The following QKI variants were observed in gnomAD, a reference collection of about 807,000 sequenced individuals.
QKI encodes KH domain-containing RNA-binding protein QKI.
In QKI, 10 loss-of-function variants were observed where a neutral mutation model predicts 39.0. The ratio of observed to expected loss-of-function variants is 0.26; its 90% CI spans 0.16 to 0.43. QKI has a LOEUF of 0.43. Ranked by LOEUF, QKI falls within the 20% of genes least tolerant of loss-of-function variation. QKI has a pLI of 1.00. For missense variants in QKI, 218 were observed against 428.0 expected, an observed-to-expected ratio of 0.51 and a Z score of 4.33; for synonymous variants, 204 against 155.4, an observed-to-expected ratio of 1.31 and a Z score of -2.33.
chr6:163,519,943 TAG>T (rs1041579718), intron 3 of QKI, among the ~76,000 whole-genome samples: 1 of 152,070 alleles, frequency 6.6e-6, no homozygotes, highest in Admixed American at 6.6e-5. Context: ...TCTGAAAGAG[TAG>T]AGTTACTTTT....
intron 2 of QKI, chr6:163,457,397 C>T (rs778753549): frequency 1.5e-5 from 7 of 456,008 alleles, no homozygotes; most frequent in African/African-American, 4.0e-5. Flanking sequence ...CTTCTTGCCA[C>T]GGTGAACTAC....
chr6:163,486,440 C>A (rs920478308), intron 3 of QKI, among the ~76,000 whole-genome samples: 1 of 152,114 alleles, frequency 6.6e-6, no homozygotes, highest in Non-Finnish European at 1.5e-5. Flanking sequence ...TGTATAATTG[C>A]AGACATAGGT....
chr6:163,470,828 A>G (rs1461281826), intron 2 of QKI, among the ~76,000 whole-genome samples: 2 of 152,076 alleles, frequency 1.3e-5, no homozygotes, highest in African/African-American at 4.8e-5. Context: ...GAAAATTTTC[A>G]GCATGGAGAT....
At chr6:163,560,407 T>C (rs79407455) in intron 4 of QKI, among the ~76,000 whole-genome samples, 334 of 152,338 alleles carry the variant, frequency 2.2e-3, no homozygotes, top group Non-Finnish European at 2.3e-3. Context: ...TTTTAAAGAA[T>C]GTATTGACCA....
intron 5 of QKI, among the ~76,000 whole-genome samples, chr6:163,563,193 A>G (rs1185522277): frequency 1.3e-5 from 2 of 152,148 alleles, no homozygotes; most frequent in Non-Finnish European, 2.9e-5. Context: ...TTTTTTTACA[A>G]TGGCTTTTTA....
chr6:163,567,604 A>G (rs558115786), intron 7 of QKI: 641 of 983,596 alleles, frequency 6.5e-4, no homozygotes, highest in Middle Eastern at 2.6e-3. Context: ...TGTCCTGTAT[A>G]TGCCCTTGGA....
chr6:163,556,701 T>G (rs1201956809), intron 4 of QKI, among the ~76,000 whole-genome samples: 2 of 152,156 alleles, frequency 1.3e-5, no homozygotes, highest in African/African-American at 2.4e-5. Context: ...TTTTTCTGTT[T>G]GTTACGGACT....
chr6:163,569,375 T>C, intron 7 of QKI: 1 of 1,240,654 alleles, frequency 8.1e-7, no homozygotes. Context: ...CTTTGATTTA[T>C]GAAGTGGCAC....
At chr6:163,463,967 C>T (rs1383133177) in intron 2 of QKI, among the ~76,000 whole-genome samples, 1 of 152,126 alleles carries the variant, frequency 6.6e-6, no homozygotes, top group African/African-American at 2.4e-5. Flanking sequence ...TCCTTCCCAC[C>T]AAACATGCTC....
intron 1 of QKI, among the ~76,000 whole-genome samples, chr6:163,448,335 G>GTTTTTTT (rs545732473): frequency 3.6e-5 from 5 of 137,976 alleles, no homozygotes; most frequent in Non-Finnish European, 6.3e-5. Context: ...AATAGCTTGG[G>GTTTTTTT]TTTTTTTTTT....
chr6:163,530,295 A>G (rs1583170351), intron 3 of QKI, among the ~76,000 whole-genome samples: 1 of 152,276 alleles, frequency 6.6e-6, no homozygotes, highest in Middle Eastern at 3.4e-3. Flanking sequence ...CTGTCTGCTT[A>G]TTTCAACCTT....
At chr6:163,468,399 G>A (rs1791936827) in intron 2 of QKI, among the ~76,000 whole-genome samples, 1 of 152,100 alleles carries the variant, frequency 6.6e-6, no homozygotes, top group African/African-American at 2.4e-5. Context: ...TTCACTTGAG[G>A]TGCTTTTCGA....
intron 4 of QKI, among the ~76,000 whole-genome samples, chr6:163,548,070 T>G (rs1386613141): frequency 6.6e-6 from 1 of 152,208 alleles, no homozygotes; most frequent in Non-Finnish European, 1.5e-5. Flanking sequence ...ACGTAGTGTA[T>G]TTTGGCGATC....
At chr6:163,438,210 A>G (rs911475907) in intron 1 of QKI, among the ~76,000 whole-genome samples, 1 of 152,198 alleles carries the variant, frequency 6.6e-6, no homozygotes, top group Non-Finnish European at 1.5e-5. Flanking sequence ...TTCAGATTTC[A>G]GATAATATTT....
Position 163,414,879 on chromosome 6 carries a change from C to T in QKI, c.-315C>T, listed in dbSNP as rs1177902979. The T allele has an allele frequency of 6.9e-6, 1 of 145,834 alleles. No homozygotes were observed. The highest frequency in any genetic ancestry group is 1.5e-5 in the Non-Finnish European group (1 of 65,836). The allele number at this position is 145,834 out of a possible 1,614,324, so 9.0% of individuals were successfully genotyped here. A position where few individuals can be genotyped will look rare whatever the true frequency, so the allele number is the denominator to read the frequency against. Reference sequence around the variant, plus strand: ...CTCGTCCGGCGCCAGCAGCCCGCGCCCCGCGCCCGCACTCGGCCAGCCGAG... The same window carrying T: ...CTCGTCCGGCGCCAGCAGCCCGCGCTCCGCGCCCGCACTCGGCCAGCCGAG... On this transcript the variant is annotated 5_prime_UTR_variant, in exon 1 of 8. Transcript: ENST00000361752.
intron 1 of QKI, among the ~76,000 whole-genome samples, chr6:163,447,022 A>G (rs1790206513): frequency 6.6e-6 from 1 of 152,156 alleles, no homozygotes; most frequent in Non-Finnish European, 1.5e-5. Flanking sequence ...ATTATAGTAC[A>G]GCCAGCAATA....
chr6:163,534,857 CTTG>C lies in QKI; in HGVS notation c.403-123_403-121del, dbSNP rs888943283. 31 of 759,762 alleles carry C rather than the reference CTTG, an allele frequency of 4.1e-5. No homozygotes were observed. The African/African-American group carries it at 5.2e-4, about 13-fold the overall frequency. The allele number at this position is 759,762 out of a possible 1,614,324, so 47.1% of individuals were successfully genotyped here. A position where few individuals can be genotyped will look rare whatever the true frequency, so the allele number is the denominator to read the frequency against. On this transcript the variant is annotated intron_variant, in intron 3 of 7. Transcript: ENST00000361752. Reference sequence around the variant, plus strand: ...AGGACCCAGAAAAATAATTCAAAGACTTGTGCCATCATAGCAAAATAATGCAAA... The same window carrying C: ...AGGACCCAGAAAAATAATTCAAAGACTGCCATCATAGCAAAATAATGCAAA...
intron 4 of QKI, among the ~76,000 whole-genome samples, chr6:163,536,827 C>G (rs184704167): frequency 6.6e-6 from 1 of 152,238 alleles, no homozygotes; most frequent in East Asian, 1.9e-4. Flanking sequence ...ATGTGGGAGA[C>G]AGAATACATC....
intron 4 of QKI, among the ~76,000 whole-genome samples, chr6:163,552,838 G>C (rs1455529744): frequency 6.6e-6 from 1 of 151,912 alleles, no homozygotes; most frequent in African/African-American, 2.4e-5. Flanking sequence ...TTCTATCTCA[G>C]TGCTCATTCT....
Sources: allele counts gnomAD v4.1 joint callset (sites outside exome capture counted in the v4.1 genomes callset), GRCh38; gene constraint gnomAD v4.1.1; transcripts MANE v1.5; gene names NCBI Gene and HGNC (gene_info 2026-07-23, HGNC 2026-07-21).